WDPCP: variants seen among roughly 807,000 people sequenced by gnomAD.
WDPCP encodes WD repeat-containing and planar cell polarity effector protein fritz homolog.
WDPCP carries 71 observed loss-of-function variants against 93.1 expected under a neutral mutation model. The observed-to-expected ratio is 0.76, with a 90% CI of 0.63 to 0.93. The LOEUF is 0.93. Ranked by LOEUF, WDPCP falls within the 40% of genes least tolerant of loss-of-function variation. WDPCP has a pLI of 0.00. For missense variants in WDPCP, 844 were observed against 887.4 expected (o/e 0.95, Z 0.62); for synonymous variants, 315 against 315.0 (o/e 1.00, Z 0.00).
chr2:63,405,581 G>GTGTGTGTGTGTGTGTGTGTGTC (rs1415564153), intron 9 of WDPCP, among the ~76,000 whole-genome samples: 12 of 136,376 alleles, frequency 8.8e-5, no homozygotes, highest in African/African-American at 3.2e-4. Context: ...GTGTGTGTGT[G>GTGTGTGTGTGTGTGTGTGTGTC]TGTGTTGGCG....
intron 2 of WDPCP, among the ~76,000 whole-genome samples, chr2:63,805,213 T>G (rs929453189): frequency 6.6e-6 from 1 of 152,172 alleles, no homozygotes; most frequent in African/African-American, 2.4e-5. Flanking sequence ...GATAAGCATA[T>G]TGCTTTCTAC....
chr2:63,522,967 A>T (rs1401310327), intron 1 of WDPCP, among the ~76,000 whole-genome samples: 2 of 152,206 alleles, frequency 1.3e-5, no homozygotes, highest in African/African-American at 2.4e-5. Context: ...TGAGGCCAGC[A>T]TCATCCTGAT....
At chr2:63,168,471 ATCTTTT>A (rs1289536490) in intron 15 of WDPCP, 2 of 152,050 alleles carry the variant, frequency 1.3e-5, no homozygotes, top group African/African-American at 2.4e-5. Flanking sequence ...AGCAAATTGA[ATCTTTT>A]TCTTTTAATA....
intron 2 of WDPCP, among the ~76,000 whole-genome samples, chr2:63,745,234 T>C (rs1669777523): frequency 6.6e-6 from 1 of 152,226 alleles, no homozygotes; most frequent in Non-Finnish European, 1.5e-5. Context: ...ATTTTACACA[T>C]TGGTTTGTTC....
chr2:63,549,866 G>T (rs967903989), intron 1 of WDPCP, among the ~76,000 whole-genome samples: 1 of 152,128 alleles, frequency 6.6e-6, no homozygotes, highest in African/African-American at 2.4e-5. Flanking sequence ...TCCACTCAAG[G>T]TTCTGATCTT....
chr2:63,201,864 C>G (rs1320280333), intron 14 of WDPCP, among the ~76,000 whole-genome samples: 1 of 151,940 alleles, frequency 6.6e-6, no homozygotes, highest in Non-Finnish European at 1.5e-5. Flanking sequence ...AATTATTCAT[C>G]ATTTCTATTT....
At chr2:63,146,220 T>C (rs1671490690) in intron 17 of WDPCP, among the ~76,000 whole-genome samples, 1 of 152,332 alleles carries the variant, frequency 6.6e-6, no homozygotes, top group East Asian at 1.9e-4. Context: ...CTGGTTGCTC[T>C]GGCTATAACT....
intron 2 of WDPCP, among the ~76,000 whole-genome samples, chr2:63,776,036 C>T (rs890307001): frequency 6.6e-6 from 1 of 151,764 alleles, no homozygotes; most frequent in Non-Finnish European, 1.5e-5. Flanking sequence ...TGCACTCCAG[C>T]GTGGGCAACA....
At chr2:63,485,506 G>A (rs1421353069) in intron 4 of WDPCP, among the ~76,000 whole-genome samples, 1 of 151,814 alleles carries the variant, frequency 6.6e-6, no homozygotes, top group Non-Finnish European at 1.5e-5. Context: ...AAAAATCTGA[G>A]GGAAATCCAA....
At chr2:63,702,886 A>C (rs1258882572) in intron 2 of WDPCP, among the ~76,000 whole-genome samples, 2 of 150,034 alleles carry the variant, frequency 1.3e-5, no homozygotes, top group African/African-American at 2.5e-5. Flanking sequence ...CCCACCCCAC[A>C]ACAGTCCCCA....
At chr2:63,683,848 C>CAA (rs1168197474) in intron 2 of WDPCP, among the ~76,000 whole-genome samples, 3 of 91,726 alleles carry the variant, frequency 3.3e-5, no homozygotes, top group Non-Finnish European at 4.6e-5. Flanking sequence ...GACTCCATCT[C>CAA]AAAAAAAAAA....
chr2:63,308,741 C>CA (rs1443190415), intron 13 of WDPCP, among the ~76,000 whole-genome samples: 3 of 151,858 alleles, frequency 2.0e-5, no homozygotes, highest in Non-Finnish European at 4.4e-5. Flanking sequence ...TGAGGCCTGT[C>CA]AGGGGGTCGG....
At chr2:63,164,843 T>G (rs1288849056) in intron 15 of WDPCP, among the ~76,000 whole-genome samples, 1 of 152,104 alleles carries the variant, frequency 6.6e-6, no homozygotes, top group Non-Finnish European at 1.5e-5. Flanking sequence ...TAAAACAAAC[T>G]AAGTTGTTAT....
At chr2:63,403,429 T>TA (rs1553377926) in intron 10 of WDPCP, among the ~76,000 whole-genome samples, 2 of 151,462 alleles carry the variant, frequency 1.3e-5, no homozygotes, top group East Asian at 1.9e-4. Context: ...ACATAAAAGT[T>TA]AAAAAAAATT....
intron 2 of WDPCP, chr2:63,684,226 A>G: frequency 2.4e-6 from 1 of 414,908 alleles, no homozygotes; most frequent in Non-Finnish European, 4.6e-6. Flanking sequence ...TTAGGTCACA[A>G]AACAAGTCTT....
At chr2:63,190,571 C>A (rs927339019) in intron 14 of WDPCP, among the ~76,000 whole-genome samples, 19 of 151,696 alleles carry the variant, frequency 1.3e-4, no homozygotes, top group African/African-American at 4.6e-4. Flanking sequence ...ATAGTGGCAG[C>A]AACTTAATAT....
chr2:63,265,312 A>C (rs921787098), intron 13 of WDPCP, among the ~76,000 whole-genome samples: 1 of 152,160 alleles, frequency 6.6e-6, no homozygotes, highest in African/African-American at 2.4e-5. Flanking sequence ...GAGAAGATTC[A>C]AATAAAATCA....
chr2:63,647,075 G>A (rs2106634594), intron 3 of WDPCP, among the ~76,000 whole-genome samples: 1 of 152,134 alleles, frequency 6.6e-6, no homozygotes, highest in Non-Finnish European at 1.5e-5. Context: ...TCTATATCCT[G>A]TAGGTGTGCT....
chr2:63,166,860 T>G (rs1255863903), intron 15 of WDPCP, among the ~76,000 whole-genome samples: 1 of 152,218 alleles, frequency 6.6e-6, no homozygotes, highest in African/African-American at 2.4e-5. Flanking sequence ...TTGACTGTAA[T>G]TACCCTGTTG....
Sources: gnomAD v4.1 joint callset for allele counts (sites outside exome capture counted in the v4.1 genomes callset) on GRCh38, gnomAD v4.1.1 for gene constraint, MANE v1.5 for transcripts, NCBI Gene and HGNC (gene_info 2026-07-23, HGNC 2026-07-21) for gene names.